Variants in NUP54 observed in about 807,000 individuals in gnomAD.
NUP54 encodes the protein nucleoporin 54.
In NUP54, 27 loss-of-function variants were observed where a neutral mutation model predicts 66.4. The ratio of observed to expected loss-of-function variants is 0.41; its 90% CI spans 0.30 to 0.56. The LOEUF (loss-of-function observed/expected upper bound fraction) is 0.56, where lower values mean the gene tolerates loss of function less well. NUP54 is among the 20% of genes least tolerant of loss of function. The pLI, the probability that NUP54 is intolerant of heterozygous loss-of-function variation, is 0.34. For synonymous variants in NUP54, 206 were observed against 210.7 expected (o/e 0.98, Z 0.19); for missense variants, 486 against 596.3 (o/e 0.82, Z 1.93).
At chr4:76,140,135 T>C (rs1731204817) in intron 3 of NUP54, among the ~76,000 whole-genome samples, 1 of 151,792 alleles carries the variant, frequency 6.6e-6, no homozygotes. Context: ...ACAGCTAGAA[T>C]AATCAACAGC....
chr4:76,130,643 G>C lies in NUP54; in HGVS notation c.1056+13C>G, dbSNP rs930416592. On this transcript the variant is annotated intron_variant, in intron 8 of 11. Coordinates refer to ENST00000264883, the MANE Select transcript of NUP54 (RefSeq NM_017426.4). ...TACTTCCAGGGCCAGGGAATAAAAAGCTAAATGCTTACATCTAATCTGGTT... is the reference window on the plus strand; with the variant it reads ...TACTTCCAGGGCCAGGGAATAAAAACCTAAATGCTTACATCTAATCTGGTT... The C allele has an allele frequency of 3.2e-6, 5 of 1,582,874 alleles. No individual in the cohort carries two copies. Among genetic ancestry groups the C allele is most frequent in the Non-Finnish European group, 3.5e-6 (4 of 1,151,992 alleles).
chr4:76,146,078 T>A (rs1731486343), intron 1 of NUP54: 1 of 447,622 alleles, frequency 2.2e-6, no homozygotes, highest in South Asian at 1.6e-5. Context: ...GAAACACTAG[T>A]CAGTTTCTCA....
At chr4:76,116,712 A>C (rs978245445) in intron 11 of NUP54, among the ~76,000 whole-genome samples, 1 of 152,208 alleles carries the variant, frequency 6.6e-6, no homozygotes, top group Non-Finnish European at 1.5e-5. Context: ...CTCAAACTTT[A>C]AAGTGCATAC....
intron 8 of NUP54, among the ~76,000 whole-genome samples, chr4:76,126,508 C>G (rs768530923): frequency 6.6e-6 from 1 of 152,180 alleles, no homozygotes; most frequent in Non-Finnish European, 1.5e-5. Flanking sequence ...GCAATCTCCC[C>G]ATCCCAATTT....
At chr4:76,121,266 G>C (rs1051991578) in intron 9 of NUP54, among the ~76,000 whole-genome samples, 2 of 152,094 alleles carry the variant, frequency 1.3e-5, no homozygotes, top group Non-Finnish European at 2.9e-5. Flanking sequence ...GCATCTATTT[G>C]TAAATTCCCT....
chr4:76,128,278 C>T (rs546567744), intron 8 of NUP54, among the ~76,000 whole-genome samples: 19 of 151,494 alleles, frequency 1.3e-4, no homozygotes, highest in South Asian at 2.1e-4. Context: ...ACTCCCCAAC[C>T]AAGAGTCTCC....
chr4:76,129,796 T>G (rs1730701519), intron 8 of NUP54, among the ~76,000 whole-genome samples: 1 of 127,588 alleles, frequency 7.8e-6, no homozygotes, highest in Non-Finnish European at 1.5e-5. Context: ...ACTCAGGAGG[T>G]GGAGCTTGCA....
intron 8 of NUP54, among the ~76,000 whole-genome samples, chr4:76,128,831 G>A (rs1364980692): frequency 6.6e-6 from 1 of 152,172 alleles, no homozygotes. Context: ...TAAGCCACGT[G>A]CAGAAAGATA....
chr4:76,130,284 G>A (rs1254425782), intron 8 of NUP54, among the ~76,000 whole-genome samples: 4 of 151,898 alleles, frequency 2.6e-5, no homozygotes, highest in Non-Finnish European at 1.5e-5. Flanking sequence ...GTATATTTAA[G>A]CATTAATTTT....
intron 1 of NUP54, among the ~76,000 whole-genome samples, chr4:76,144,869 T>C (rs900346250): frequency 6.6e-6 from 1 of 152,214 alleles, no homozygotes. Flanking sequence ...AAGTAGACTA[T>C]GTGTTTACTG....
intron 3 of NUP54, among the ~76,000 whole-genome samples, chr4:76,140,551 T>C (rs1181275514): frequency 2.6e-5 from 4 of 152,152 alleles, no homozygotes; most frequent in Non-Finnish European, 5.9e-5. Context: ...GTGCTGGGAT[T>C]ACAGATGTGA....
chr4:76,145,578 C>T (rs1731463969), intron 1 of NUP54: 5 of 1,274,188 alleles, frequency 3.9e-6, no homozygotes, highest in East Asian at 5.9e-5. Flanking sequence ...GAATGTGTTT[C>T]TTGAAGGAAG....
intron 9 of NUP54, among the ~76,000 whole-genome samples, chr4:76,119,721 T>G (rs1730143880): frequency 1.3e-5 from 2 of 151,902 alleles, no homozygotes; most frequent in Admixed American, 1.3e-4. Flanking sequence ...GGGGAAAGGG[T>G]CTAAAGCAGT....
At chr4:76,144,621 T>A in intron 1 of NUP54, 148 bp from the exon 2 acceptor site, 1 of 586,712 alleles carries the variant, frequency 1.7e-6, no homozygotes, top group Non-Finnish European at 2.9e-6. Flanking sequence ...ATCAATTTTT[T>A]AAAAAACTAT....
chr4:76,144,279 A>G lies in NUP54; in HGVS notation c.165T>C (p.Gly55=). The part of the protein sequence containing the change: ...TNTGTTGLFG[G]TQNKGFGFGT... ...CAAATCCAAAACCTTTGTTCTGAGT[A>G]CCACCAAAGAGTCCTTTGAATGAAA... The change falls in exon 3 of 12, where the codon GGT becomes GGC. Residue 55 remains glycine (G), a synonymous_variant. Coordinates refer to ENST00000264883, the MANE Select transcript of NUP54 (RefSeq NM_017426.4). 6.2e-7 allele frequency: 1 copy of G among 1,612,042 alleles called. No homozygotes were observed. Among genetic ancestry groups the G allele is most frequent in the Non-Finnish European group, 8.5e-7 (1 of 1,179,518 alleles).
chr4:76,117,561 C>T, intron 11 of NUP54, 103 bp downstream of exon 11: 1 of 717,282 alleles, frequency 1.4e-6, no homozygotes, highest in Non-Finnish European at 2.4e-6. Flanking sequence ...TCCAATTTCT[C>T]CACATTCTCA....
rs755481769 is a variant in NUP54 at position 76,117,881 on chromosome 4, TTCTC to T, written c.1285-111_1285-108del. 336 of 1,053,074 alleles carry T rather than the reference TTCTC, an allele frequency of 3.2e-4. 4 individuals carry two copies. The highest frequency in any genetic ancestry group is 7.8e-4 in the South Asian group (53 of 68,228). The allele number at this position is 1,053,074 out of a possible 1,614,324, so 65.2% of individuals were successfully genotyped here. A position where few individuals can be genotyped will look rare whatever the true frequency, so the allele number is the denominator to read the frequency against. Reference sequence around the variant, plus strand: ...AAAACCATCTATTAAAAATTTCTATTTCTCTCTCTGTACATTATATTCGAAACAC... The same window carrying T: ...AAAACCATCTATTAAAAATTTCTATTTCTCTGTACATTATATTCGAAACAC... On this transcript the variant is annotated intron_variant, in intron 10 of 11. Coordinates refer to ENST00000264883, the MANE Select transcript of NUP54 (RefSeq NM_017426.4).
At chr4:76,115,709 T>C (rs553076326) in intron 11 of NUP54, among the ~76,000 whole-genome samples, 1 of 152,282 alleles carries the variant, frequency 6.6e-6, no homozygotes, top group Admixed American at 6.5e-5. Context: ...CAAACAAATA[T>C]ATAATGAACA....
intron 3 of NUP54, among the ~76,000 whole-genome samples, chr4:76,143,905 T>C (rs1254611372): frequency 6.6e-6 from 1 of 152,202 alleles, no homozygotes; most frequent in Non-Finnish European, 1.5e-5. Flanking sequence ...TCTCTATTTG[T>C]TATTTTTAAC....
Sources: allele counts gnomAD v4.1 joint callset (sites outside exome capture counted in the v4.1 genomes callset), GRCh38; gene constraint gnomAD v4.1.1; transcripts MANE v1.5; gene names NCBI Gene and HGNC (gene_info 2026-07-23, HGNC 2026-07-21).